ERC1: variants seen among roughly 807,000 people sequenced by gnomAD.
The protein encoded by ERC1 is RAB6 interacting protein 2.
In ERC1, 56 loss-of-function variants were observed where a neutral mutation model predicts 132.0. The observed-to-expected ratio is 0.42, with a 90% confidence interval of 0.34 to 0.53. ERC1 has a LOEUF of 0.53. ERC1 is among the 20% of genes least tolerant of loss of function. The probability of loss-of-function intolerance (pLI) is 0.03; values close to 1 mark genes in which losing one functional copy is unlikely to be tolerated. For synonymous variants in ERC1, 478 were observed against 476.1 expected, an observed-to-expected ratio of 1.00 and a Z score of -0.05; for missense variants, 1,202 against 1,349.9, an observed-to-expected ratio of 0.89 and a Z score of 1.72.
chr12:1,149,727 T>C (rs1950672552), intron 8 of ERC1, among the ~76,000 whole-genome samples: 1 of 152,162 alleles, frequency 6.6e-6, no homozygotes, highest in Non-Finnish European at 1.5e-5. Context: ...TTATCATTTA[T>C]TTCTGAAACT....
At chr12:1,262,764 C>T (rs1484919423) in intron 13 of ERC1, among the ~76,000 whole-genome samples, 2 of 152,202 alleles carry the variant, frequency 1.3e-5, no homozygotes, top group Non-Finnish European at 2.9e-5. Flanking sequence ...CTGTCTAACA[C>T]AGTTTTGTTC....
At chr12:1,376,333 C>A (rs1442273358) in intron 16 of ERC1, among the ~76,000 whole-genome samples, 1 of 152,176 alleles carries the variant, frequency 6.6e-6, no homozygotes, top group Non-Finnish European at 1.5e-5. Context: ...TGGCTGAAGT[C>A]CTCAACATTA....
intron 17 of ERC1, among the ~76,000 whole-genome samples, chr12:1,417,091 T>A (rs1391882856): frequency 6.6e-6 from 1 of 152,196 alleles, no homozygotes; most frequent in African/African-American, 2.4e-5. Context: ...CTCTATATGC[T>A]CAGAAATGTC....
intron 15 of ERC1, among the ~76,000 whole-genome samples, chr12:1,351,291 A>G (rs184024574): frequency 1.3e-5 from 2 of 152,228 alleles, no homozygotes; most frequent in Non-Finnish European, 2.9e-5. Flanking sequence ...AGTGTTGCCC[A>G]TGTTTTTCAA....
chr12:1,150,754 A>G (rs372981352), intron 8 of ERC1, among the ~76,000 whole-genome samples: 7 of 152,286 alleles, frequency 4.6e-5, no homozygotes, highest in African/African-American at 1.7e-4. Flanking sequence ...CATTCCACCA[A>G]ACAACTGACT....
At chr12:1,212,527 T>C (rs1365453196) in intron 12 of ERC1, among the ~76,000 whole-genome samples, 1 of 152,212 alleles carries the variant, frequency 6.6e-6, no homozygotes, top group Non-Finnish European at 1.5e-5. Flanking sequence ...GAACAATTTT[T>C]ATTCATGAAA....
chr12:1,038,224 G>A (rs993942245), intron 2 of ERC1, among the ~76,000 whole-genome samples: 1 of 151,946 alleles, frequency 6.6e-6, no homozygotes, highest in Non-Finnish European at 1.5e-5. Flanking sequence ...GGCATCAAGT[G>A]GTACTTTGTG....
chr12:1,007,310 T>C (rs1963808773), intron 1 of ERC1, among the ~76,000 whole-genome samples: 1 of 152,142 alleles, frequency 6.6e-6, no homozygotes, highest in South Asian at 2.1e-4. Context: ...TATATTTGTA[T>C]TTTACAACAA....
At chr12:1,328,705 A>G (rs754654937) in intron 15 of ERC1, among the ~76,000 whole-genome samples, 3 of 151,430 alleles carry the variant, frequency 2.0e-5, no homozygotes, top group Non-Finnish European at 2.9e-5. Context: ...TCCATGACAA[A>G]TGATGCTATA....
intron 15 of ERC1, among the ~76,000 whole-genome samples, chr12:1,346,801 G>T (rs2084504193): frequency 6.6e-6 from 1 of 151,044 alleles, no homozygotes; most frequent in African/African-American, 2.5e-5. Flanking sequence ...AATTAGCCGG[G>T]CGCGGTGGCG....
chr12:1,488,001 G>A (rs959160145), intron 18 of ERC1, among the ~76,000 whole-genome samples: 5 of 151,988 alleles, frequency 3.3e-5, no homozygotes, highest in Non-Finnish European at 7.4e-5. Flanking sequence ...AGCTGGGCGT[G>A]GTAGCAGGCG....
chr12:1,108,616 G>C (rs896082630), intron 4 of ERC1, among the ~76,000 whole-genome samples: 3 of 152,164 alleles, frequency 2.0e-5, no homozygotes, highest in African/African-American at 7.2e-5. Context: ...AATCTTAAAA[G>C]TGAATTTTCA....
chr12:1,171,338 T>G (rs894824745), intron 8 of ERC1, among the ~76,000 whole-genome samples: 4 of 150,258 alleles, frequency 2.7e-5, no homozygotes, highest in African/African-American at 9.8e-5. Flanking sequence ...ATGTCAGCAA[T>G]AGTCTGGGCA....
At chr12:1,211,750 A>G (rs867706305) in intron 12 of ERC1, among the ~76,000 whole-genome samples, 17 of 147,328 alleles carry the variant, frequency 1.2e-4, no homozygotes, top group African/African-American at 3.8e-4. Flanking sequence ...TTGTATTTTC[A>G]GTAGAGACAT....
chr12:1,207,930 A>G (rs1255017493), intron 12 of ERC1, among the ~76,000 whole-genome samples: 3 of 152,188 alleles, frequency 2.0e-5, no homozygotes, highest in South Asian at 2.1e-4. Flanking sequence ...ATCTTTTAGT[A>G]TGTCTTATAA....
chr12:1,352,852 C>T (rs2085142708), intron 15 of ERC1, among the ~76,000 whole-genome samples: 1 of 151,856 alleles, frequency 6.6e-6, no homozygotes, highest in Non-Finnish European at 1.5e-5. Context: ...TCATTATATC[C>T]TATGTAAGGG....
intron 15 of ERC1, among the ~76,000 whole-genome samples, chr12:1,292,234 C>T (rs1032300780): frequency 3.3e-5 from 5 of 151,994 alleles, no homozygotes; most frequent in Non-Finnish European, 7.4e-5. Context: ...AATTTGACTG[C>T]CCTGACAACT....
At position 1,436,878 on chromosome 12, in the gene ERC1, A is replaced by ATG. The variant is rs145226993; in HGVS notation, c.3025-7682_3025-7681dup. On this transcript the variant is annotated intron_variant, in intron 17 of 18. Coordinates refer to ENST00000360905, the MANE Select transcript of ERC1 (RefSeq NM_178040.4). ...CTGTCTCTTCTCCCTCTTTTGCCTC[A>ATG]TGTTTCTTCCACATGCCTAGATTTT... Among the ~76,000 whole-genome samples the ATG allele has an allele frequency of 4.8e-3, 731 of 152,108 alleles. 9 individuals are homozygous for ATG. The highest frequency in any genetic ancestry group is 0.017 in the African/African-American group (689 of 41,472).
intron 17 of ERC1, among the ~76,000 whole-genome samples, chr12:1,413,457 C>T (rs1293067842): frequency 6.6e-6 from 1 of 151,994 alleles, no homozygotes; most frequent in East Asian, 1.9e-4. Context: ...AGCTGGGTGT[C>T]ATGGCAGGCA....
Sources: allele counts gnomAD v4.1 joint callset (sites outside exome capture counted in the v4.1 genomes callset), GRCh38; gene constraint gnomAD v4.1.1; transcripts MANE v1.5; gene names NCBI Gene and HGNC (gene_info 2026-07-23, HGNC 2026-07-21).